The following MCM10 variants were observed in gnomAD, a reference collection of about 807,000 sequenced individuals.
MCM10 encodes minichromosome maintenance 10 replication initiation factor.
In MCM10, 91 loss-of-function variants were observed where a neutral mutation model predicts 109.9. The observed-to-expected ratio is 0.83, with a 90% CI of 0.70 to 0.99. MCM10 has a LOEUF of 0.99. MCM10 is among the 50% of genes least tolerant of loss of function. The pLI is 0.00. For synonymous variants in MCM10, 380 were observed against 387.2 expected (o/e 0.98, Z 0.22); for missense variants, 1,077 against 1,061.2 (o/e 1.01, Z -0.21).
chr10:13,167,857 G>A lies in MCM10; in HGVS notation c.8-3065G>A, dbSNP rs137961214. ...TGCTTTCCATTCAAGAGGCTTCCAG[G>A]GGTAGCCAGATTTCTGTTGTAAGAG... On this transcript the variant is annotated intron_variant, in intron 2 of 19. Coordinates refer to ENST00000378714, the MANE Select transcript of MCM10 (RefSeq NM_018518.5). Among the ~76,000 whole-genome samples the A allele has an allele frequency of 2.4e-4, 37 of 152,308 alleles. No homozygotes were observed. The East Asian group carries it at 2.7e-3, about 11-fold the overall frequency.
chr10:13,198,279 G>C (rs1177020707), intron 15 of MCM10, among the ~76,000 whole-genome samples: 1 of 152,022 alleles, frequency 6.6e-6, no homozygotes, highest in African/African-American at 2.4e-5. Flanking sequence ...ATTGCTCATT[G>C]GATCTTTGTA....
At chr10:13,192,618 G>T (rs199884114) in intron 13 of MCM10, 50 bp downstream of exon 13, 2 of 1,530,400 alleles carry the variant, frequency 1.3e-6, no homozygotes, top group Admixed American at 1.7e-5. Flanking sequence ...CATCTCAGGC[G>T]TCCTCAGAAC....
At chr10:13,200,851 A>G (rs780218758) in intron 16 of MCM10, among the ~76,000 whole-genome samples, 22 of 152,256 alleles carry the variant, frequency 1.4e-4, no homozygotes, top group Non-Finnish European at 2.6e-4. Context: ...GTGCTTTAAA[A>G]GTCACCAAAT....
In MCM10 at chr10:13,186,156, T is replaced by G. The variant is rs761424338; in HGVS notation, c.1099-8T>G. On this transcript the variant is annotated splice_region_variant and splice_polypyrimidine_tract_variant and intron_variant, in intron 8 of 19. Coordinates refer to ENST00000378714, the MANE Select transcript of MCM10 (RefSeq NM_018518.5). ...CGCCTTTAACTCCTGCCCCACCTTT[T>G]CTTACAGGTGTGTTTATCTATCGAT... is the stretch of plus-strand genomic sequence containing the variant. 1 of 1,545,480 alleles carries G rather than the reference T, an allele frequency of 6.5e-7. No individual in the cohort carries two copies.
At chr10:13,164,762 A>G (rs918715743) in intron 2 of MCM10, among the ~76,000 whole-genome samples, 7 of 152,244 alleles carry the variant, frequency 4.6e-5, no homozygotes, top group African/African-American at 1.7e-4. Flanking sequence ...GCGATCACCT[A>G]AAATGATTGT....
chr10:13,175,967 A>T (rs1412949686), intron 6 of MCM10, among the ~76,000 whole-genome samples: 1 of 152,260 alleles, frequency 6.6e-6, no homozygotes. Context: ...AAATTGACAG[A>T]TGGAAATAGT....
chr10:13,202,884 G>A (rs537958518), intron 17 of MCM10, among the ~76,000 whole-genome samples: 11 of 152,048 alleles, frequency 7.2e-5, no homozygotes, highest in Admixed American at 3.3e-4. Flanking sequence ...TCACTCTGTC[G>A]CCCAGGTTGG....
chr10:13,192,413 C>T (rs1834359807), intron 12 of MCM10, 38 bp from the exon 13 acceptor site: 2 of 1,611,946 alleles, frequency 1.2e-6, no homozygotes, highest in Middle Eastern at 1.6e-4. Context: ...TTCCCTCAGC[C>T]TCCCAGGGCA....
chr10:13,195,590 ATTTATTTAT>A (rs1311765134), intron 14 of MCM10: 10 of 25,614 alleles, frequency 3.9e-4, no homozygotes, highest in Non-Finnish European at 6.6e-4. Flanking sequence ...ACGTTTATTT[ATTTATTTAT>A]TTATTTATTT....
rs367640303 is a variant in MCM10 at position 13,204,218 on chromosome 10, G to T, written c.2353-1G>T. On this transcript the variant is annotated splice_acceptor_variant, in intron 17 of 19. Coordinates refer to ENST00000378714, the MANE Select transcript of MCM10 (RefSeq NM_018518.5). LOFTEE classifies it high-confidence loss of function. Reference sequence around the variant, plus strand: ...TGTGGGTTTTTTGTTGCTCTGTGCAGTGCGCCTATACCCACTTCAAGCTGC... The same window carrying T: ...TGTGGGTTTTTTGTTGCTCTGTGCATTGCGCCTATACCCACTTCAAGCTGC... 1 of 1,613,968 alleles carries T rather than the reference G, an allele frequency of 6.2e-7. No individual in the cohort carries two copies. Among genetic ancestry groups the T allele is most frequent in the South Asian group, 1.1e-5 (1 of 91,054 alleles).
At chr10:13,203,261 T>G (rs1306061145) in intron 17 of MCM10, among the ~76,000 whole-genome samples, 2 of 152,166 alleles carry the variant, frequency 1.3e-5, no homozygotes, top group Non-Finnish European at 2.9e-5. Flanking sequence ...AATCATCTCC[T>G]GGCCCAGCTT....
At chr10:13,195,295 A>C (rs1282054434) in intron 14 of MCM10, 26 bp downstream of exon 14, 1 of 1,546,538 alleles carries the variant, frequency 6.5e-7, no homozygotes. Context: ...TCTCTTTAGC[A>C]CTTGAGTTTG....
chr10:13,166,995 T>G (rs1372417349), intron 2 of MCM10, among the ~76,000 whole-genome samples: 1 of 151,852 alleles, frequency 6.6e-6, no homozygotes, highest in African/African-American at 2.4e-5. Flanking sequence ...TTTAATAAGC[T>G]GGGCATGGTG....
chr10:13,200,680 A>C (rs1011364932), intron 16 of MCM10, among the ~76,000 whole-genome samples: 2 of 152,206 alleles, frequency 1.3e-5, no homozygotes, highest in Non-Finnish European at 2.9e-5. Flanking sequence ...CTCTGCCCTC[A>C]GGGCTGTTCC....
At chr10:13,208,582 A>AAAT (rs1554777167) in intron 18 of MCM10, among the ~76,000 whole-genome samples, 4 of 147,548 alleles carry the variant, frequency 2.7e-5, no homozygotes, top group African/African-American at 9.9e-5. Flanking sequence ...AAAAAAAAAA[A>AAAT]GGAAAAGAAA....
intron 2 of MCM10, among the ~76,000 whole-genome samples, chr10:13,164,834 G>A (rs978227372): frequency 6.6e-6 from 1 of 152,096 alleles, no homozygotes; most frequent in African/African-American, 2.4e-5. Context: ...CGGGGTGGGA[G>A]GATTGCTTGA....
rs140966545 is a variant in MCM10, at chr10:13,195,258, G to A, written c.1963G>A (p.Glu655Lys). 4 of 1,598,822 alleles carry A rather than the reference G, an allele frequency of 2.5e-6. No homozygotes were observed. In the African/African-American group the frequency reaches 4.0e-5, roughly 16 times the overall value. Residue 655 changes from glutamate to lysine, a missense_variant, in exon 14 of 20, where the codon GAA becomes AAA. Coordinates refer to ENST00000378714, the MANE Select transcript of MCM10 (RefSeq NM_018518.5). Reference sequence around the variant, plus strand: ...AAGACCAAAACTGAGTGCTTTAGCAGAAGCCAAAAAGGTAACTGGCATCTC... The same window carrying A: ...AAGACCAAAACTGAGTGCTTTAGCAAAAGCCAAAAAGGTAACTGGCATCTC... Reference protein sequence around the residue: ...PPRPKLSALAEAKKLAAITKL... With the variant: ...PPRPKLSALAKAKKLAAITKL...
At chr10:13,175,017 A>G (rs1438205269) in intron 5 of MCM10, among the ~76,000 whole-genome samples, 1 of 152,056 alleles carries the variant, frequency 6.6e-6, no homozygotes, top group Non-Finnish European at 1.5e-5. Context: ...AATCCCAGCT[A>G]CTTGGGAGGC....
At chr10:13,195,551 A>G (rs1834406089) in intron 14 of MCM10, 1 of 201,214 alleles carries the variant, frequency 5.0e-6, no homozygotes, top group Non-Finnish European at 1.0e-5. Flanking sequence ...GTGAGACTGT[A>G]AAATGGTGGT....
Sources: allele counts gnomAD v4.1 joint callset (sites outside exome capture counted in the v4.1 genomes callset), GRCh38; gene constraint gnomAD v4.1.1; transcripts MANE v1.5; gene names NCBI Gene and HGNC (gene_info 2026-07-23, HGNC 2026-07-21).